Variants in DAB2IP observed in about 807,000 individuals in gnomAD.
DAB2IP encodes disabled homolog 2-interacting protein.
A neutral mutation model predicts 107.2 loss-of-function variants in DAB2IP; 28 were observed. That is an observed-to-expected ratio of 0.26 (90% confidence interval 0.19 to 0.36). DAB2IP has a LOEUF of 0.36. Among genes scored for constraint, DAB2IP ranks in the 10% least tolerant of loss-of-function variants. DAB2IP has a pLI of 1.00. For synonymous variants in DAB2IP, 755 were observed against 706.4 expected (o/e 1.07, Z -1.09); for missense variants, 1,400 against 1,644.7 (o/e 0.85, Z 2.57).
At chr9:121,648,582 C>A (rs966725164), upstream of DAB2IP, among the ~76,000 whole-genome samples, 6 of 152,156 alleles carry the variant, frequency 3.9e-5, no homozygotes, top group Non-Finnish European at 8.8e-5. Flanking sequence ...AGTACCCACA[C>A]CCCTACTTAC....
intron 1 of DAB2IP, among the ~76,000 whole-genome samples, chr9:121,638,712 G>C (rs1832174248): frequency 6.6e-6 from 1 of 152,136 alleles, no homozygotes; most frequent in African/African-American, 2.4e-5. Flanking sequence ...CCACACTGAG[G>C]AGGCAGCGGA....
intron 8 of DAB2IP, among the ~76,000 whole-genome samples, chr9:121,765,036 G>A (rs962774687): frequency 6.6e-6 from 1 of 152,168 alleles, no homozygotes; most frequent in African/African-American, 2.4e-5. Flanking sequence ...GGCACCCAGG[G>A]CCTTAGCCCC....
chr9:121,598,144 C>T (rs1234793724), intron 1 of DAB2IP: 1 of 152,290 alleles, frequency 6.6e-6, no homozygotes, highest in Non-Finnish European at 1.5e-5. Context: ...CGCTGGCTTC[C>T]CCCTGGAATT....
At chr9:121,619,823 C>G (rs1477999935) in intron 1 of DAB2IP, among the ~76,000 whole-genome samples, 1 of 152,148 alleles carries the variant, frequency 6.6e-6, no homozygotes, top group African/African-American at 2.4e-5. Context: ...GTATTAGGTA[C>G]TAATGGGATA....
intron 3 of DAB2IP, among the ~76,000 whole-genome samples, chr9:121,740,842 T>C (rs1465130232): frequency 6.6e-6 from 1 of 152,196 alleles, no homozygotes; most frequent in Non-Finnish European, 1.5e-5. Flanking sequence ...CAGGGGATAG[T>C]GTATTACCTC....
chr9:121,704,682 CCTT>C (rs1350914200), intron 3 of DAB2IP, among the ~76,000 whole-genome samples: 1 of 152,156 alleles, frequency 6.6e-6, no homozygotes, highest in African/African-American at 2.4e-5. Flanking sequence ...CCTCCCCCTC[CCTT>C]CTTCTTTCCA....
chr9:121,737,233 G>A (rs955674360), intron 3 of DAB2IP: 1 of 985,404 alleles, frequency 1.0e-6, no homozygotes, highest in Non-Finnish European at 1.2e-6. Flanking sequence ...GCCATGGCTG[G>A]AAGCGATAGT....
upstream of DAB2IP, among the ~76,000 whole-genome samples, chr9:121,647,780 C>CACACATATATACGTATATAT (rs1832587508): frequency 1.3e-5 from 2 of 151,228 alleles, no homozygotes; most frequent in Non-Finnish European, 1.5e-5. Context: ...TATACATAAA[C>CACACATATATACGTATATAT]ACACATATAT....
At chr9:121,737,817 C>T (rs904485819) in intron 3 of DAB2IP, 19 of 980,276 alleles carry the variant, frequency 1.9e-5, no homozygotes, top group Non-Finnish European at 2.3e-5. Flanking sequence ...AGGCTTTGGT[C>T]GGGCTGGAGG....
chr9:121,616,041 G>C (rs1185096041), intron 1 of DAB2IP, among the ~76,000 whole-genome samples: 1 of 152,114 alleles, frequency 6.6e-6, no homozygotes, highest in East Asian at 1.9e-4. Flanking sequence ...GGACCCTGTT[G>C]TGTCCCTGCC....
At chr9:121,615,134 G>C (rs1168492880) in intron 1 of DAB2IP, among the ~76,000 whole-genome samples, 1 of 152,134 alleles carries the variant, frequency 6.6e-6, no homozygotes, top group African/African-American at 2.4e-5. Flanking sequence ...TACGCCTTAT[G>C]TCTGCAATAG....
intron 4 of DAB2IP, among the ~76,000 whole-genome samples, chr9:121,758,670 T>C (rs112635696): frequency 0.062 from 9,499 of 152,216 alleles, 950 homozygotes; most frequent in African/African-American, 0.21. Flanking sequence ...TCGTGCAGGA[T>C]GGGGCCACTC....
chr9:121,645,373 G>T (rs1378656914), intron 1 of DAB2IP, among the ~76,000 whole-genome samples: 3 of 152,188 alleles, frequency 2.0e-5, no homozygotes, highest in Non-Finnish European at 2.9e-5. Context: ...CTCAACTTCA[G>T]GGCAGCCAGT....
intron 9 of DAB2IP, among the ~76,000 whole-genome samples, chr9:121,767,212 C>T (rs1834347002): frequency 6.6e-6 from 1 of 152,210 alleles, no homozygotes; most frequent in Admixed American, 6.5e-5. Context: ...TGGCTGCATC[C>T]TTAGAGCAAG....
rs770737970 is a variant in DAB2IP, at chr9:121,772,984, G to A, written c.2456G>A (p.Arg819Gln). ...GGCACCTCCGAGGGCGCGCCAGGCC[G>A]GCCCCAGCTGTTGGCACCGCTCTCC... The change falls in exon 12 of 16, where the codon CGG (arginine) becomes CAG (glutamine). Residue 819 changes from arginine (R) to glutamine (Q), a missense_variant. Physicochemically the swap from Arg to Gln is conservative, Grantham distance 43. This residue lies in a region of DAB2IP where 600 missense variants were observed against 659.1 expected (regional missense o/e 0.91). Transcript: ENST00000408936. The surrounding 1 kb of genome is among the most constrained non-coding windows in gnomAD (Gnocchi z 4.7). 1.1e-5 allele frequency: 18 copies of A among 1,606,192 alleles called. No homozygotes were observed. The Middle Eastern group carries it at 5.0e-4, about 44-fold the overall frequency.
intron 1 of DAB2IP, among the ~76,000 whole-genome samples, chr9:121,615,038 T>C (rs1165298745): frequency 3.3e-5 from 5 of 152,146 alleles, no homozygotes; most frequent in African/African-American, 1.2e-4. Flanking sequence ...TGGGCCTCTT[T>C]TCCTTTCAGA....
chr9:121,726,964 G>A (rs1831267915), intron 3 of DAB2IP, among the ~76,000 whole-genome samples: 1 of 152,204 alleles, frequency 6.6e-6, no homozygotes. Flanking sequence ...TCCCCACCCT[G>A]GAATGCTGGT....
Position 121,628,270 on chromosome 9 carries a change from G to C in DAB2IP, c.41-50408G>C, listed in dbSNP as rs190947636. ...GTGATGTGATTCCTAGCCCCCCTTA[G>C]TCATCCTAGCAGACTGGATTAGGTG... On this transcript the variant is annotated intron_variant, in intron 1 of 16. Coordinates refer to the DAB2IP transcript ENST00000259371. 2.6e-3 allele frequency among the ~76,000 whole-genome samples: 397 copies of C among 152,252 alleles called. 5 individuals are homozygous for C. The highest frequency in any genetic ancestry group is 8.9e-3 in the African/African-American group (370 of 41,546).
intron 1 of DAB2IP, among the ~76,000 whole-genome samples, chr9:121,571,061 C>T (rs1829930405): frequency 6.6e-6 from 1 of 152,096 alleles, no homozygotes; most frequent in African/African-American, 2.4e-5. Flanking sequence ...GCTGTCTCCC[C>T]CCAGGGCCTT....
Sources: allele counts gnomAD v4.1 joint callset (sites outside exome capture counted in the v4.1 genomes callset), GRCh38; gene constraint gnomAD v4.1.1; regional missense constraint gnomAD v4.1.1; non-coding constraint Gnocchi (gnomAD v3.1); transcripts MANE v1.5; gene names NCBI Gene and HGNC (gene_info 2026-07-23, HGNC 2026-07-21).